The following LPIN3 variants were observed in gnomAD, a reference collection of about 807,000 sequenced individuals.
LPIN3 encodes lipin 3.
Under a neutral mutation model 94.7 loss-of-function variants are expected in LPIN3, and 82 were observed. The ratio of observed to expected loss-of-function variants is 0.87; its 90% confidence interval spans 0.72 to 1.04. The LOEUF (loss-of-function observed/expected upper bound fraction) is 1.04, where lower values mean the gene tolerates loss of function less well. LPIN3 is among the 50% of genes least tolerant of loss of function. LPIN3 has a pLI of 0.00. For missense variants in LPIN3, 996 were observed against 1,090.5 expected (o/e 0.91, Z 1.22); for synonymous variants, 418 against 443.3 (o/e 0.94, Z 0.72).
chr20:41,358,786 G>C lies in LPIN3; in HGVS notation c.2476G>C (p.Asp826His). The C allele has an allele frequency of 6.2e-7, 1 of 1,614,156 alleles. No homozygotes were observed. The highest frequency in any genetic ancestry group is 8.5e-7 in the Non-Finnish European group (1 of 1,180,030). Residue 826 changes from aspartate to histidine, a missense_variant, in exon 20 of 20, where the codon GAC becomes CAC. By Grantham distance (81) the Asp-to-His change is moderately conservative. Transcript: ENST00000373257. ...FPPVARGPST[D>H]LANPEYSNFC... The stretch of plus-strand genomic sequence containing the variant: ...ACCTGTGGCCCGTGGCCCCAGCACA[G>C]ACCTGGCCAACCCTGAATACAGTAA...
chr20:41,358,550 T>C lies in LPIN3; in HGVS notation c.2411+8T>C. 6.2e-7 allele frequency: 1 copy of C among 1,613,842 alleles called. No homozygotes were observed. The highest frequency in any genetic ancestry group is 1.1e-5 in the South Asian group (1 of 91,066). ...AAAGAACCACAAATCCACGTGAGGC[T>C]AAACCCTGCCATGTTCCCCATGCCC... On this transcript the variant is annotated splice_region_variant and intron_variant, in intron 19 of 19. Transcript: ENST00000373257.
chr20:41,342,696 G>C (rs904912695), intron 1 of LPIN3, among the ~76,000 whole-genome samples: 1 of 151,996 alleles, frequency 6.6e-6, no homozygotes, highest in African/African-American at 2.4e-5. Flanking sequence ...CCCCCAAAAT[G>C]CTGAGCAGGC....
At chr20:41,350,500 G>A in intron 7 of LPIN3, 103 bp downstream of exon 7, 1 of 923,730 alleles carries the variant, frequency 1.1e-6, no homozygotes, top group Non-Finnish European at 1.6e-6. Flanking sequence ...TGTGTGCTAG[G>A]TGCTGTTCTT....
chr20:41,356,777 T>A (rs999409477), intron 14 of LPIN3, among the ~76,000 whole-genome samples: 1 of 152,030 alleles, frequency 6.6e-6, no homozygotes, highest in Non-Finnish European at 1.5e-5. Flanking sequence ...TGCGGCTTTG[T>A]GGGTTACATC....
In LPIN3 at chr20:41,354,812, T is replaced by C. The variant is rs1400850441; in HGVS notation, c.1621-8T>C. 1 of 1,608,002 alleles carries C rather than the reference T, an allele frequency of 6.2e-7. No individual in the cohort carries two copies. Among genetic ancestry groups the C allele is most frequent in the Non-Finnish European group, 8.5e-7 (1 of 1,177,006 alleles). Reference sequence around the variant, plus strand: ...GGTGGGATTCACTAATGGATGTTCTTTCCACAGCGCAGTGCCCAGAAGGAG... The same window carrying C: ...GGTGGGATTCACTAATGGATGTTCTCTCCACAGCGCAGTGCCCAGAAGGAG... On this transcript the variant is annotated splice_polypyrimidine_tract_variant and splice_region_variant and intron_variant, in intron 12 of 19. Coordinates refer to ENST00000373257, the MANE Select transcript of LPIN3 (RefSeq NM_022896.3).
intron 3 of LPIN3, 89 bp from the exon 4 acceptor site, chr20:41,348,529 TG>T (rs766849425): frequency 2.8e-5 from 42 of 1,512,790 alleles, no homozygotes; most frequent in Non-Finnish European, 3.7e-5. Flanking sequence ...ACTCCAGGGC[TG>T]GGACCCAGGC....
At chr20:41,343,347 A>C (rs1025058010) in intron 1 of LPIN3, among the ~76,000 whole-genome samples, 4 of 152,136 alleles carry the variant, frequency 2.6e-5, no homozygotes, top group Non-Finnish European at 5.9e-5. Context: ...AGTGGTTTAG[A>C]GGTCTGCCCA....
rs753828249 is a variant in LPIN3, at chr20:41,349,766, T to A, written c.639-8T>A. The A allele has an allele frequency of 6.2e-7, 1 of 1,611,256 alleles. No homozygotes were observed. Among genetic ancestry groups the A allele is most frequent in the Non-Finnish European group, 8.5e-7 (1 of 1,179,090 alleles). On this transcript the variant is annotated splice_region_variant and splice_polypyrimidine_tract_variant and intron_variant, in intron 5 of 19. Transcript: ENST00000373257. ...CAGGCTCAAGGCCTCTCAATATGTC[T>A]CCTGCAGCCTCTCAGCAGGTGAGCT...
chr20:41,356,983 G>A, intron 14 of LPIN3, 57 bp from the exon 15 acceptor site: 1 of 1,587,320 alleles, frequency 6.3e-7, no homozygotes, highest in South Asian at 1.1e-5. Flanking sequence ...TAAGGGGAGA[G>A]GTAGGCAGTG....
intron 11 of LPIN3, 22 bp from the exon 12 acceptor site, chr20:41,354,623 C>T: frequency 6.5e-7 from 1 of 1,547,040 alleles, no homozygotes; most frequent in South Asian, 1.2e-5. Flanking sequence ...GAAACACTGC[C>T]ATGGCTTTCA....
In LPIN3 at chr20:41,345,944, C is replaced by G. The variant is rs41277014; in HGVS notation, c.141C>G (p.Pro47=). ...TGGACGGCTCGTTCCGGTGCTCACC[C>G]TTCCACGTGCGTTTTGGCAAGCTGG... ...KQVDGSFRCS[P]FHVRFGKLGV... The change falls in exon 2 of 20, where the codon CCC becomes CCG. Residue 47 remains proline (P), a synonymous_variant. Coordinates refer to ENST00000373257, the MANE Select transcript of LPIN3 (RefSeq NM_022896.3). The G allele has an allele frequency of 8.8e-3, 14,218 of 1,614,164 alleles. 63 individuals carry two copies. The highest frequency in any genetic ancestry group is 9.6e-3 in the Non-Finnish European group (11,310 of 1,180,028).
At chr20:41,341,228 C>T (rs2045566772) in intron 1 of LPIN3, among the ~76,000 whole-genome samples, 1 of 152,176 alleles carries the variant, frequency 6.6e-6, no homozygotes, top group East Asian at 1.9e-4. Flanking sequence ...GGAGAGGAGA[C>T]GTCGAAACCT....
chr20:41,358,472 G>A lies in LPIN3; in HGVS notation c.2341G>A (p.Glu781Lys), dbSNP rs146490125. Residue 781 changes from glutamate to lysine, a missense_variant, in exon 19 of 20, where the codon GAG becomes AAG. Coordinates refer to ENST00000373257, the MANE Select transcript of LPIN3 (RefSeq NM_022896.3). ...VFAYRQVGLP[E>K]SRIFTVNPRG... ...TGCCTACCGGCAGGTGGGCCTGCCT[G>A]AGTCACGCATCTTCACAGTCAACCC... is the stretch of plus-strand genomic sequence containing the variant. 13 of 1,613,934 alleles carry A rather than the reference G, an allele frequency of 8.1e-6. No homozygotes were observed. The highest frequency in any genetic ancestry group is 1.6e-4 in the Middle Eastern group (1 of 6,084).
chr20:41,356,105 C>T, intron 14 of LPIN3, 71 bp downstream of exon 14: 15 of 1,562,340 alleles, frequency 9.6e-6, no homozygotes, highest in Non-Finnish European at 1.3e-5. Context: ...CCCTCAGGAC[C>T]TGGCTGAGAA....
chr20:41,349,196 GCCAGGACT>G (rs2045907869), intron 5 of LPIN3, 24 bp downstream of exon 5: 1 of 1,604,254 alleles, frequency 6.2e-7, no homozygotes, highest in Non-Finnish European at 8.5e-7. Context: ...TGGGCTGCAG[GCCAGGACT>G]CCAGATCAAG....
rs1440142878 is a variant in LPIN3 at position 41,352,205 on chromosome 20, C to G, written c.1348C>G (p.Arg450Gly). Residue 450 changes from arginine (R) to glycine (G), a missense_variant, in exon 9 of 20, where the codon CGG becomes GGG. Coordinates refer to ENST00000373257, the MANE Select transcript of LPIN3 (RefSeq NM_022896.3). ...LSLCGGLADS[R>G]DISLEKFNQH... ...CCTCTGTGGTGGACTGGCTGACAGCCGGGACATCTCCCTAGGTATGTTCGA... is the reference window on the plus strand; with the variant it reads ...CCTCTGTGGTGGACTGGCTGACAGCGGGGACATCTCCCTAGGTATGTTCGA... 1.2e-6 allele frequency: 2 copies of G among 1,614,160 alleles called. No individual in the cohort carries two copies. Among genetic ancestry groups the G allele is most frequent in the Non-Finnish European group, 1.7e-6 (2 of 1,180,024 alleles).
chr20:41,354,455 C>G (rs1273005666), intron 11 of LPIN3, among the ~76,000 whole-genome samples, 190 bp from the exon 12 acceptor site: 1 of 152,200 alleles, frequency 6.6e-6, no homozygotes, highest in African/African-American at 2.4e-5. Flanking sequence ...TTGAGTATAG[C>G]TCACCCAAGT....
In LPIN3 at chr20:41,358,848, C is replaced by G. The variant is rs2046310224; in HGVS notation, c.2538C>G (p.Asp846Glu). The change falls in exon 20 of 20, where the codon GAC becomes GAG. Residue 846 changes from aspartate to glutamate, a missense_variant. Transcript: ENST00000373257. ...GGCGGGAGCCACTGCCTGCTGTGGA[C>G]CTTGATACCCTGGACTGAACCTGCC... is the stretch of plus-strand genomic sequence containing the variant. ...CYWREPLPAVDLDTLD is the reference protein window; with the variant it reads ...CYWREPLPAVELDTLD 1 of 1,614,024 alleles carries G rather than the reference C, an allele frequency of 6.2e-7. No individual in the cohort carries two copies. The highest frequency in any genetic ancestry group is 1.3e-5 in the African/African-American group (1 of 75,032).
chr20:41,347,742 C>A, intron 3 of LPIN3, 95 bp downstream of exon 3: 1 of 1,097,768 alleles, frequency 9.1e-7, no homozygotes, highest in Non-Finnish European at 1.3e-6. Context: ...CCTCGCCCTT[C>A]CCCGGGAGCA....
Sources: allele counts gnomAD v4.1 joint callset (sites outside exome capture counted in the v4.1 genomes callset), GRCh38; gene constraint gnomAD v4.1.1; transcripts MANE v1.5; gene names NCBI Gene and HGNC (gene_info 2026-07-23, HGNC 2026-07-21).